MYO18B: variants seen among roughly 807,000 people sequenced by gnomAD.
The protein encoded by MYO18B is myosin XVIIIB, also known as unconventional myosin-XVIIIb.
In MYO18B, 204 loss-of-function variants were observed where a neutral mutation model predicts 273.0. The ratio of observed to expected loss-of-function variants is 0.75; its 90% CI spans 0.67 to 0.84. MYO18B has a LOEUF of 0.84. Ranked by LOEUF, MYO18B falls within the 40% of genes least tolerant of loss-of-function variation. The pLI, the probability that MYO18B is intolerant of heterozygous loss-of-function variation, is 0.00. For missense variants in MYO18B, 3,212 were observed against 3,287.6 expected (o/e 0.98, Z 0.56); for synonymous variants, 1,330 against 1,305.7 (o/e 1.02, Z -0.40).
chr22:25,991,483 C>T (rs780273583), intron 39 of MYO18B, among the ~76,000 whole-genome samples: 2 of 152,238 alleles, frequency 1.3e-5, no homozygotes, highest in Non-Finnish European at 2.9e-5. Context: ...GGGGCAAAAT[C>T]ACTCTTAGGT....
At chr22:26,001,540 A>G (rs1933947959) in intron 40 of MYO18B, among the ~76,000 whole-genome samples, 1 of 152,238 alleles carries the variant, frequency 6.6e-6, no homozygotes, top group South Asian at 2.1e-4. Context: ...GAAATCCAGG[A>G]CAATAAGTAA....
intron 21 of MYO18B, among the ~76,000 whole-genome samples, chr22:25,853,764 C>T (rs527655421): frequency 2.0e-4 from 31 of 152,230 alleles, no homozygotes; most frequent in African/African-American, 2.6e-4. Context: ...CCTCCATACA[C>T]GCTAGAGGCC....
chr22:25,758,545 G>A (rs1038487024), intron 1 of MYO18B, among the ~76,000 whole-genome samples: 2 of 151,856 alleles, frequency 1.3e-5, no homozygotes, highest in Admixed American at 6.6e-5. Context: ...AGGGGCCGAC[G>A]CACACAGGAG....
intron 17 of MYO18B, 76 bp downstream of exon 17, chr22:25,835,519 A>G (rs955537403): frequency 6.3e-7 from 1 of 1,586,636 alleles, no homozygotes; most frequent in Non-Finnish European, 8.6e-7. Context: ...TGCTGCAGGG[A>G]AAGCCCTGAC....
In MYO18B at chr22:25,876,169, T is replaced by C; in HGVS notation, c.4081-20T>C. Reference sequence around the variant, plus strand: ...CTGGGTTGGAAAGGACCCTCCAGTCTGTGTTCTCCTTCCCTGCAGATTCGC... The same window carrying C: ...CTGGGTTGGAAAGGACCCTCCAGTCCGTGTTCTCCTTCCCTGCAGATTCGC... On this transcript the variant is annotated intron_variant, in intron 23 of 43. Transcript: ENST00000335473. 1 of 1,605,330 alleles carries C rather than the reference T, an allele frequency of 6.2e-7. No homozygotes were observed. The highest frequency in any genetic ancestry group is 1.7e-4 in the Middle Eastern group (1 of 6,026).
intron 14 of MYO18B, among the ~76,000 whole-genome samples, chr22:25,827,143 A>C (rs536982203): frequency 5.3e-4 from 81 of 152,310 alleles, no homozygotes; most frequent in African/African-American, 1.9e-3. Context: ...TTGAGTGGCT[A>C]CTGAGGGCCA....
At chr22:25,752,547 G>A (rs186789513) in intron 1 of MYO18B, among the ~76,000 whole-genome samples, 1 of 152,308 alleles carries the variant, frequency 6.6e-6, no homozygotes, top group Admixed American at 6.5e-5. Flanking sequence ...GAGCAGTGGC[G>A]TGATCACAGC....
At chr22:25,746,208 A>C (rs1427514566) in intron 1 of MYO18B, among the ~76,000 whole-genome samples, 3 of 152,240 alleles carry the variant, frequency 2.0e-5, no homozygotes. Flanking sequence ...ATATAGTCCC[A>C]GTTTTATAGA....
intron 1 of MYO18B, among the ~76,000 whole-genome samples, chr22:25,744,533 C>T (rs1234403067): frequency 6.6e-6 from 1 of 152,104 alleles, no homozygotes; most frequent in African/African-American, 2.4e-5. Context: ...AGATCGAGAC[C>T]ATCCTGGCTA....
chr22:25,839,056 ATG>A (rs1461225307), intron 17 of MYO18B, among the ~76,000 whole-genome samples: 1 of 151,288 alleles, frequency 6.6e-6, no homozygotes. Context: ...ATGTGTGTGC[ATG>A]TGTGTATATG....
intron 36 of MYO18B, among the ~76,000 whole-genome samples, chr22:25,950,029 C>T (rs1315669176): frequency 6.6e-6 from 1 of 152,162 alleles, no homozygotes; most frequent in African/African-American, 2.4e-5. Context: ...TCTAGAAGCT[C>T]AGTTAAATGA....
intron 7 of MYO18B, among the ~76,000 whole-genome samples, chr22:25,777,166 C>T (rs1346829579): frequency 6.6e-6 from 1 of 152,152 alleles, no homozygotes; most frequent in Non-Finnish European, 1.5e-5. Context: ...GCACACATAC[C>T]ACTAACTCCC....
intron 34 of MYO18B, among the ~76,000 whole-genome samples, chr22:25,937,086 A>T (rs1056822925): frequency 3.3e-5 from 5 of 149,660 alleles, no homozygotes; most frequent in Admixed American, 6.7e-5. Context: ...ATTCAGGAAG[A>T]TTTTTTTTTT....
the MYO18B span, among the ~76,000 whole-genome samples, chr22:26,048,218 G>A: frequency 1.1e-4 from 16 of 152,140 alleles, no homozygotes; most frequent in African/African-American, 3.6e-4. Context: ...TAAAAGCCAC[G>A]AGGACAAGAA....
At chr22:25,898,729 C>T (rs1258544661) in intron 29 of MYO18B, 3 of 416,530 alleles carry the variant, frequency 7.2e-6, no homozygotes, top group Non-Finnish European at 1.3e-5. Flanking sequence ...TGGGCCTTAA[C>T]ATCCCCATTT....
At chr22:25,898,978 T>C (rs904989676) in intron 29 of MYO18B, 1 of 152,782 alleles carries the variant, frequency 6.5e-6, no homozygotes, top group African/African-American at 2.4e-5. Flanking sequence ...TGATCCTGGT[T>C]CCTCTTCCTG....
At chr22:25,744,508 G>C (rs1167235423) in intron 1 of MYO18B, among the ~76,000 whole-genome samples, 1 of 152,186 alleles carries the variant, frequency 6.6e-6, no homozygotes, top group Non-Finnish European at 1.5e-5. Flanking sequence ...GAGGTGGGCA[G>C]ATCACGAGGT....
intron 39 of MYO18B, among the ~76,000 whole-genome samples, chr22:25,957,787 G>A (rs2092870776): frequency 6.6e-6 from 1 of 151,976 alleles, no homozygotes. Context: ...CTGTGTATGT[G>A]TGTCCCAAAT....
rs2092837659 is a variant in MYO18B, at chr22:25,955,349, G to T, written c.6141G>T (p.Arg2047=). The change falls in exon 39 of 44, where the codon CGG becomes CGT. Residue 2047 remains arginine (R), a synonymous_variant. Transcript: ENST00000335473. The part of the protein sequence containing the change: ...ELVQREAEAS[R]RCMELEKYVE... ...TGCAGCGGGAGGCAGAGGCCAGCCG[G>T]CGGTGCATGGAGCTGGTGAGTCCTG... The T allele has an allele frequency of 6.2e-7, 1 of 1,613,162 alleles. No individual in the cohort carries two copies. Among genetic ancestry groups the T allele is most frequent in the Non-Finnish European group, 8.5e-7 (1 of 1,179,612 alleles).
Sources: allele counts gnomAD v4.1 joint callset (sites outside exome capture counted in the v4.1 genomes callset), GRCh38; gene constraint gnomAD v4.1.1; transcripts MANE v1.5; gene names NCBI Gene and HGNC (gene_info 2026-07-23, HGNC 2026-07-21).